The following DPYD variants were observed in gnomAD, a reference collection of about 807,000 sequenced individuals.
The protein encoded by DPYD is dihydropyrimidine dehydrogenase [NADP(+)].
DPYD carries 109 observed loss-of-function variants against 116.2 expected under a neutral mutation model. The observed-to-expected ratio is 0.94, with a 90% CI of 0.80 to 1.10. The LOEUF (loss-of-function observed/expected upper bound fraction) is 1.10, where lower values mean the gene tolerates loss of function less well. DPYD is among the 50% of genes least tolerant of loss of function. DPYD has a pLI of 0.00. For missense variants in DPYD, 1,302 were observed against 1,254.5 expected (o/e 1.04, Z -0.57); for synonymous variants, 440 against 432.0 (o/e 1.02, Z -0.23).
chr1:97,391,543 T>G (rs1672705633), intron 14 of DPYD, among the ~76,000 whole-genome samples: 1 of 151,972 alleles, frequency 6.6e-6, no homozygotes, highest in South Asian at 2.1e-4. Context: ...CATCAGAGTT[T>G]TTCAAGTCTC....
At chr1:97,662,301 C>A (rs1366762803) in intron 8 of DPYD, among the ~76,000 whole-genome samples, 5 of 151,788 alleles carry the variant, frequency 3.3e-5, no homozygotes, top group Admixed American at 6.6e-5. Flanking sequence ...CGCACCTGGC[C>A]CCAAGTCAAC....
chr1:97,317,807 A>T (rs1360500173), intron 16 of DPYD, among the ~76,000 whole-genome samples: 3 of 151,952 alleles, frequency 2.0e-5, no homozygotes, highest in Non-Finnish European at 2.9e-5. Context: ...AATGTTATGA[A>T]ATCCAAGCAA....
At chr1:97,560,397 T>A (rs1049732891) in intron 11 of DPYD, among the ~76,000 whole-genome samples, 12 of 152,104 alleles carry the variant, frequency 7.9e-5, no homozygotes, top group African/African-American at 2.9e-4. Flanking sequence ...AGGTGACACT[T>A]GCAGTTAAAT....
chr1:97,102,005 C>T (rs930283405), intron 20 of DPYD, among the ~76,000 whole-genome samples: 9 of 151,698 alleles, frequency 5.9e-5, no homozygotes, highest in Admixed American at 5.3e-4. Flanking sequence ...ATTACATTGC[C>T]GATAGAAAAG....
intron 8 of DPYD, among the ~76,000 whole-genome samples, chr1:97,618,728 T>G (rs1333885542): frequency 6.6e-6 from 1 of 152,154 alleles, no homozygotes; most frequent in Non-Finnish European, 1.5e-5. Flanking sequence ...TGAATTCAGG[T>G]AGCCACACTT....
chr1:97,173,391 T>TA (rs938982670), intron 20 of DPYD, among the ~76,000 whole-genome samples: 19 of 138,818 alleles, frequency 1.4e-4, no homozygotes, highest in African/African-American at 4.7e-4. Context: ...TATACGTACA[T>TA]ATATGTGTGT....
intron 14 of DPYD, among the ~76,000 whole-genome samples, chr1:97,449,294 TTGAAAGAAAGAA>T (rs2101788353): frequency 6.6e-6 from 1 of 151,692 alleles, no homozygotes; most frequent in South Asian, 2.1e-4. Context: ...TAACAATTCA[TTGAAAGAAAGAA>T]TGAAAGAAAG....
At chr1:97,897,448 TTTC>T (rs1673137088) in intron 1 of DPYD, among the ~76,000 whole-genome samples, 1 of 151,864 alleles carries the variant, frequency 6.6e-6, no homozygotes, top group Non-Finnish European at 1.5e-5. Flanking sequence ...TTACAAATAT[TTTC>T]TTCTTCTCTC....
chr1:97,783,451 GT>G (rs1393678719), intron 3 of DPYD, among the ~76,000 whole-genome samples: 1 of 152,048 alleles, frequency 6.6e-6, no homozygotes, highest in Non-Finnish European at 1.5e-5. Context: ...ATGGAGTATA[GT>G]GGTGTGATCT....
intron 8 of DPYD, among the ~76,000 whole-genome samples, chr1:97,656,964 G>A (rs993871193): frequency 3.2e-5 from 4 of 123,778 alleles, no homozygotes; most frequent in Non-Finnish European, 7.0e-5. Flanking sequence ...CTGCATGATT[G>A]TATTTTTTTT....
At chr1:97,313,926 A>G (rs1667661372) in intron 16 of DPYD, among the ~76,000 whole-genome samples, 1 of 151,998 alleles carries the variant, frequency 6.6e-6, no homozygotes, top group Non-Finnish European at 1.5e-5. Context: ...GACAATAAAT[A>G]CCATGTTGAA....
At position 97,659,935 on chromosome 1, in the gene DPYD, A is replaced by C. The variant is rs147481664; in HGVS notation, c.850+19160T>G. ...AGTGCACATAGCATAATATGCTTAC[A>C]GGTGAATTCATCTTCAACTTTCAAC... is the stretch of plus-strand genomic sequence containing the variant. On this transcript the variant is annotated intron_variant, in intron 8 of 22. Transcript: ENST00000370192. Among the ~76,000 whole-genome samples, 1,249 of 152,260 alleles carry C rather than the reference A, an allele frequency of 8.2e-3. 12 individuals are homozygous for C. Among genetic ancestry groups the C allele is most frequent in the Non-Finnish European group, 0.014 (968 of 67,964 alleles).
chr1:97,679,215 T>A, intron 7 of DPYD, 33 bp from the exon 8 acceptor site: 1 of 1,194,896 alleles, frequency 8.4e-7, no homozygotes. Flanking sequence ...TAAGAAAATT[T>A]GGCATATGAT....
chr1:97,344,343 T>C (rs1312095550), intron 16 of DPYD, among the ~76,000 whole-genome samples: 1 of 151,878 alleles, frequency 6.6e-6, no homozygotes, highest in Non-Finnish European at 1.5e-5. Context: ...TGCAGTACCA[T>C]TTCATAACTC....
intron 18 of DPYD, among the ~76,000 whole-genome samples, chr1:97,246,561 A>C (rs1163169381): frequency 1.3e-5 from 2 of 152,180 alleles, no homozygotes; most frequent in African/African-American, 4.8e-5. Context: ...GAAAAATTTC[A>C]GATATAGTAA....
chr1:97,539,443 A>AT (rs1252161266), intron 12 of DPYD, among the ~76,000 whole-genome samples: 1 of 151,998 alleles, frequency 6.6e-6, no homozygotes, highest in Non-Finnish European at 1.5e-5. Context: ...CTACCTGTTG[A>AT]TTCCATATTT....
chr1:97,440,041 C>T (rs1202541007), intron 14 of DPYD, among the ~76,000 whole-genome samples: 4 of 151,650 alleles, frequency 2.6e-5, no homozygotes, highest in African/African-American at 4.8e-5. Context: ...TTTGGGAGGC[C>T]GAGGCGGGGG....
Position 97,595,186 on chromosome 1 carries a change from A to T in DPYD, c.851-20T>A. 6.3e-7 allele frequency: 1 copy of T among 1,597,454 alleles called. No homozygotes were observed. ...GCAAACCTAAGTAATCAAATTTATA[A>T]AATATCATTAGCAGGAGGAGGGGCT... On this transcript the variant is annotated intron_variant, in intron 8 of 22. Coordinates refer to ENST00000370192, the MANE Select transcript of DPYD (RefSeq NM_000110.4).
chr1:97,449,071 G>A (rs1676251197), intron 14 of DPYD, among the ~76,000 whole-genome samples: 1 of 151,892 alleles, frequency 6.6e-6, no homozygotes. Context: ...AAAACTTGAT[G>A]GGCAAGGCAA....
Sources: gnomAD v4.1 joint callset for allele counts (sites outside exome capture counted in the v4.1 genomes callset) on GRCh38, gnomAD v4.1.1 for gene constraint, MANE v1.5 for transcripts, NCBI Gene and HGNC (gene_info 2026-07-23, HGNC 2026-07-21) for gene names.